The following MIPOL1 variants were observed in gnomAD, a reference collection of about 807,000 sequenced individuals.
MIPOL1 encodes the protein mirror-image polydactyly 1.
Under a neutral mutation model 60.9 loss-of-function variants are expected in MIPOL1, and 57 were observed. The observed-to-expected ratio is 0.94, with a 90% confidence interval of 0.76 to 1.17. The LOEUF (loss-of-function observed/expected upper bound fraction) is 1.17. MIPOL1 is among the 50% of genes most tolerant of loss of function. The probability of loss-of-function intolerance (pLI) is 0.00; values close to 1 mark genes in which losing one functional copy is unlikely to be tolerated. For missense variants in MIPOL1, 551 were observed against 511.6 expected (o/e 1.08, Z -0.74); for synonymous variants, 179 against 168.8 (o/e 1.06, Z -0.47).
intron 6 of MIPOL1, 50 bp from the exon 7 acceptor site, chr14:37,285,268 T>C: frequency 6.2e-7 from 1 of 1,606,170 alleles, no homozygotes; most frequent in Non-Finnish European, 8.5e-7. Context: ...AAGGTATACA[T>C]TTGTCCTTTA....
chr14:37,499,829 A>G (rs2095189118), intron 11 of MIPOL1, 79 bp from the exon 12 acceptor site: 1 of 619,482 alleles, frequency 1.6e-6, no homozygotes, highest in Non-Finnish European at 2.6e-6. Flanking sequence ...GAGATTCTAA[A>G]TGGAGGTTTT....
chr14:37,477,344 C>T (rs2094792401), intron 11 of MIPOL1, among the ~76,000 whole-genome samples: 1 of 151,962 alleles, frequency 6.6e-6, no homozygotes, highest in South Asian at 2.1e-4. Flanking sequence ...CACCAGTGGG[C>T]CTGGTGCTTC....
intron 12 of MIPOL1, among the ~76,000 whole-genome samples, chr14:37,529,622 G>C (rs1029665095): frequency 3.9e-5 from 6 of 152,138 alleles, no homozygotes; most frequent in Non-Finnish European, 8.8e-5. Flanking sequence ...CCTCTTAGTT[G>C]TTCAGTACAG....
chr14:37,268,683 A>G lies in MIPOL1; in HGVS notation c.277A>G (p.Met93Val). Residue 93 changes from methionine (M) to valine (V), a missense_variant, in exon 5 of 13, where the codon ATG (methionine) becomes GTG (valine). Transcript: ENST00000684589. Reference protein sequence around the residue: ...YNVMEHRHNDMHYECMTPCQV... With the variant: ...YNVMEHRHNDVHYECMTPCQV... ...CGTTATGGAACATAGACATAATGAT[A>G]TGCATTATGAATGTATGACTCCTTG... The G allele has an allele frequency of 6.3e-7, 1 of 1,594,420 alleles. No homozygotes were observed. Among genetic ancestry groups the G allele is most frequent in the Non-Finnish European group, 8.6e-7 (1 of 1,167,690 alleles).
chr14:37,480,254 AAAGAAAATTACAGGCC>A (rs1450926607), intron 11 of MIPOL1, among the ~76,000 whole-genome samples: 1 of 152,146 alleles, frequency 6.6e-6, no homozygotes, highest in East Asian at 1.9e-4. Flanking sequence ...CATCACAAGA[AAAGAAAATTACAGGCC>A]ACTATTCTTG....
chr14:37,336,220 A>G (rs113817470), intron 9 of MIPOL1, among the ~76,000 whole-genome samples: 5 of 150,542 alleles, frequency 3.3e-5, no homozygotes, highest in African/African-American at 4.9e-5. Context: ...TGACTTGTCT[A>G]TATATGCACA....
At chr14:37,200,322 C>T (rs1464485827) in intron 1 of MIPOL1, among the ~76,000 whole-genome samples, 1 of 152,120 alleles carries the variant, frequency 6.6e-6, no homozygotes, top group African/African-American at 2.4e-5. Flanking sequence ...ATTCTTAGCT[C>T]ATGGGTTATA....
chr14:37,297,425 A>G (rs954580324), intron 7 of MIPOL1, among the ~76,000 whole-genome samples: 2 of 152,196 alleles, frequency 1.3e-5, no homozygotes, highest in African/African-American at 2.4e-5. Flanking sequence ...CACCACTCCT[A>G]TTCAACATAG....
chr14:37,498,658 A>T (rs1001616677), intron 11 of MIPOL1, among the ~76,000 whole-genome samples: 1 of 152,026 alleles, frequency 6.6e-6, no homozygotes, highest in Non-Finnish European at 1.5e-5. Flanking sequence ...GTGGCACTAC[A>T]CACTATTCTA....
At chr14:37,275,701 A>T (rs1013081798) in intron 6 of MIPOL1, among the ~76,000 whole-genome samples, 1 of 151,112 alleles carries the variant, frequency 6.6e-6, no homozygotes, top group African/African-American at 2.4e-5. Flanking sequence ...ATAGTGTTTT[A>T]TATGTTATTT....
rs1029556097 is a variant in MIPOL1, at chr14:37,268,595, A to G, written c.252-63A>G. 3.1e-6 allele frequency: 4 copies of G among 1,293,152 alleles called. No individual in the cohort carries two copies. In the African/African-American group the frequency reaches 4.6e-5, roughly 15 times the overall value. The allele number at this position is 1,293,152 out of a possible 1,614,324, so 80.1% of individuals were successfully genotyped here. On this transcript the variant is annotated intron_variant, in intron 4 of 12. Coordinates refer to ENST00000684589, the MANE Select transcript of MIPOL1 (RefSeq NM_001388067.1). ...CAAGTTGATACTGTTCTCAAGTAGC[A>G]TACAAAATGTCAAAAAATTAGTTTA... is the stretch of plus-strand genomic sequence containing the variant.
chr14:37,220,360 T>A lies in MIPOL1; in HGVS notation c.-199+22256T>A, dbSNP rs1437780403. Among the ~76,000 whole-genome samples, 4 of 152,336 alleles carry A rather than the reference T, an allele frequency of 2.6e-5. No homozygotes were observed. The East Asian group carries it at 7.7e-4, about 29-fold the overall frequency. On this transcript the variant is annotated intron_variant, in intron 1 of 12. Coordinates refer to ENST00000684589, the MANE Select transcript of MIPOL1 (RefSeq NM_001388067.1). Reference sequence around the variant, plus strand: ...CTTTTTAATGAATTATTTTTTGAAGTATGACAAACTTCTTCTTTAAGCAGC... The same window carrying A: ...CTTTTTAATGAATTATTTTTTGAAGAATGACAAACTTCTTCTTTAAGCAGC...
At chr14:37,210,702 C>T (rs774711004) in intron 1 of MIPOL1, among the ~76,000 whole-genome samples, 5 of 152,030 alleles carry the variant, frequency 3.3e-5, no homozygotes, top group Non-Finnish European at 7.4e-5. Flanking sequence ...GTTGAGTCAT[C>T]TAAAGGAGCA....
chr14:37,495,896 T>A (rs1732969667), intron 11 of MIPOL1, among the ~76,000 whole-genome samples: 1 of 149,680 alleles, frequency 6.7e-6, no homozygotes. Flanking sequence ...GAGCATTTTT[T>A]CATGTGTTTT....
At chr14:37,444,299 A>C (rs12435038) in intron 11 of MIPOL1, among the ~76,000 whole-genome samples, 10 of 151,896 alleles carry the variant, frequency 6.6e-5, no homozygotes, top group African/African-American at 1.9e-4. Flanking sequence ...TAAAGGTTGC[A>C]TACAAAATTA....
Position 37,339,414 on chromosome 14 carries a change from C to T in MIPOL1, c.829-30103C>T, listed in dbSNP as rs546966341. The stretch of plus-strand genomic sequence containing the variant: ...CTTTGTACTTTCTTAGGCAGTTGAA[C>T]GTAGGTCTACCCTGTGACTTAGCAA... On this transcript the variant is annotated intron_variant, in intron 9 of 12. Coordinates refer to ENST00000684589, the MANE Select transcript of MIPOL1 (RefSeq NM_001388067.1). 4.7e-4 allele frequency among the ~76,000 whole-genome samples: 71 copies of T among 152,198 alleles called. 1 individual carries two copies. Among genetic ancestry groups the T allele is most frequent in the South Asian group, 2.1e-3 (10 of 4,824 alleles).
At chr14:37,253,108 T>C (rs944134380) in intron 3 of MIPOL1, among the ~76,000 whole-genome samples, 1 of 151,830 alleles carries the variant, frequency 6.6e-6, no homozygotes, top group Non-Finnish European at 1.5e-5. Flanking sequence ...ATGGTATATT[T>C]TTCATGAAGA....
intron 6 of MIPOL1, among the ~76,000 whole-genome samples, chr14:37,282,493 AT>A (rs1594889825): frequency 6.6e-6 from 1 of 152,010 alleles, no homozygotes. Flanking sequence ...TAATCCCAGC[AT>A]TTTGGTAGGC....
chr14:37,289,812 G>A (rs1264077743), intron 7 of MIPOL1, among the ~76,000 whole-genome samples: 1 of 152,160 alleles, frequency 6.6e-6, no homozygotes, highest in African/African-American at 2.4e-5. Context: ...AAGTCACAAC[G>A]TTTTAATCAT....
Sources: allele counts gnomAD v4.1 joint callset (sites outside exome capture counted in the v4.1 genomes callset), GRCh38; gene constraint gnomAD v4.1.1; transcripts MANE v1.5; gene names NCBI Gene and HGNC (gene_info 2026-07-23, HGNC 2026-07-21).